Variants in SEMA3C observed in about 807,000 individuals in gnomAD.
SEMA3C encodes the protein semaphorin-3C.
In SEMA3C, 47 loss-of-function variants were observed where a neutral mutation model predicts 89.4. The observed-to-expected ratio is 0.53, with a 90% CI of 0.42 to 0.67. SEMA3C has a LOEUF of 0.67. Among genes scored for constraint, SEMA3C ranks in the 30% least tolerant of loss-of-function variants. SEMA3C has a pLI of 0.00. For synonymous variants in SEMA3C, 310 were observed against 320.2 expected (o/e 0.97, Z 0.34); for missense variants, 839 against 929.1 (o/e 0.90, Z 1.26).
At chr7:80,796,582 C>CTG (rs1159825417) in intron 11 of SEMA3C, 3 of 152,112 alleles carry the variant, frequency 2.0e-5, no homozygotes, top group African/African-American at 7.2e-5. Flanking sequence ...GATGCTTTTC[C>CTG]CTGTTTTATA....
intron 12 of SEMA3C, among the ~76,000 whole-genome samples, chr7:80,766,538 G>A (rs757153168): frequency 5.3e-5 from 8 of 152,158 alleles, no homozygotes; most frequent in African/African-American, 1.9e-4. Flanking sequence ...ATTCTGTAAC[G>A]GGGCCTTTGA....
chr7:80,866,032 T>C (rs1790919338), intron 2 of SEMA3C, among the ~76,000 whole-genome samples: 1 of 152,216 alleles, frequency 6.6e-6, no homozygotes, highest in East Asian at 1.9e-4. Flanking sequence ...TTGCATAAAG[T>C]ATTAAATAAG....
At chr7:80,750,911 C>T (rs1787919901) in intron 16 of SEMA3C, among the ~76,000 whole-genome samples, 1 of 152,008 alleles carries the variant, frequency 6.6e-6, no homozygotes, top group Non-Finnish European at 1.5e-5. Flanking sequence ...TGTATATTTA[C>T]TGCAGTAAAA....
chr7:80,815,711 T>C (rs987967395), intron 5 of SEMA3C, among the ~76,000 whole-genome samples: 2 of 151,890 alleles, frequency 1.3e-5, no homozygotes, highest in Non-Finnish European at 2.9e-5. Context: ...ACAGACTAGA[T>C]TGGTGGCAAA....
At chr7:80,780,023 C>T (rs1264913017) in intron 12 of SEMA3C, among the ~76,000 whole-genome samples, 1 of 152,158 alleles carries the variant, frequency 6.6e-6, no homozygotes, top group Admixed American at 6.5e-5. Flanking sequence ...ACAATGCAGC[C>T]TGGCTAAATT....
rs189010045 is a variant in SEMA3C, at chr7:80,904,970, G to A, written c.103+11709C>T. ...TTTCCTGAATTTTCAGAATCTTAGC[G>A]CTAACTTTCTAACTTCAAGCCTTGT... On this transcript the variant is annotated intron_variant, in intron 2 of 17. Coordinates refer to ENST00000265361, the MANE Select transcript of SEMA3C (RefSeq NM_006379.5). 5.9e-5 allele frequency among the ~76,000 whole-genome samples: 9 copies of A among 151,706 alleles called. 1 individual carries two copies. The South Asian group carries it at 8.3e-4, about 14-fold the overall frequency.
Position 80,834,067 on chromosome 7 carries a change from T to C in SEMA3C, c.104-5322A>G, listed in dbSNP as rs137927978. On this transcript the variant is annotated intron_variant, in intron 2 of 17. Transcript: ENST00000265361. ...AGCATATGAGGTACAGCTATTTGTG[T>C]TGTTTCTCAGGACATGCTCAATTAA... is the stretch of plus-strand genomic sequence containing the variant. Among the ~76,000 whole-genome samples, 57 of 152,260 alleles carry C rather than the reference T, an allele frequency of 3.7e-4. No homozygotes were observed. In the East Asian group the frequency reaches 8.3e-3, roughly 22 times the overall value.
chr7:80,771,198 T>C (rs546434596), intron 12 of SEMA3C, among the ~76,000 whole-genome samples: 1 of 152,358 alleles, frequency 6.6e-6, no homozygotes, highest in South Asian at 2.1e-4. Context: ...TGTTTTAGTT[T>C]TAGCTCCATC....
chr7:80,800,565 A>AAT (rs1789178342), intron 10 of SEMA3C, among the ~76,000 whole-genome samples, 192 bp downstream of exon 10: 1 of 152,322 alleles, frequency 6.6e-6, no homozygotes, highest in South Asian at 2.1e-4. Flanking sequence ...TACTCTCTAC[A>AAT]AAAGTATTTG....
intron 2 of SEMA3C, among the ~76,000 whole-genome samples, chr7:80,833,950 G>C (rs761232695): frequency 3.3e-5 from 5 of 152,134 alleles, no homozygotes; most frequent in Non-Finnish European, 5.9e-5. Flanking sequence ...TACAGTGAGA[G>C]AAAAACATTA....
intron 12 of SEMA3C, among the ~76,000 whole-genome samples, chr7:80,780,743 G>A (rs1468396873): frequency 6.6e-6 from 1 of 152,042 alleles, no homozygotes; most frequent in Non-Finnish European, 1.5e-5. Flanking sequence ...AATTAGCCAG[G>A]CGCGGTGGTG....
intron 2 of SEMA3C, among the ~76,000 whole-genome samples, chr7:80,910,576 T>C (rs1175031732): frequency 6.6e-6 from 1 of 151,882 alleles, no homozygotes; most frequent in Non-Finnish European, 1.5e-5. Context: ...TCTTCAGTAA[T>C]ATATAAATGA....
chr7:80,856,708 A>C (rs1583946882), intron 2 of SEMA3C, among the ~76,000 whole-genome samples: 1 of 152,080 alleles, frequency 6.6e-6, no homozygotes, highest in Non-Finnish European at 1.5e-5. Context: ...TTATCTTACC[A>C]ACACTTCTGC....
intron 2 of SEMA3C, among the ~76,000 whole-genome samples, chr7:80,843,940 A>G (rs1790330510): frequency 6.6e-6 from 1 of 152,158 alleles, no homozygotes; most frequent in Non-Finnish European, 1.5e-5. Flanking sequence ...AAGTACCTAT[A>G]AAGTGTCTAA....
At chr7:80,807,084 T>C (rs1202876490) in intron 6 of SEMA3C, among the ~76,000 whole-genome samples, 2 of 152,152 alleles carry the variant, frequency 1.3e-5, no homozygotes, top group East Asian at 3.9e-4. Flanking sequence ...TTTTTTTTCT[T>C]TACCATTTTA....
At chr7:80,753,318 C>T (rs1406566506) in intron 15 of SEMA3C, among the ~76,000 whole-genome samples, 1 of 152,134 alleles carries the variant, frequency 6.6e-6, no homozygotes, top group Non-Finnish European at 1.5e-5. Context: ...CATTATTTTC[C>T]TACAGCCAAC....
chr7:80,762,357 C>G (rs1438742527), intron 13 of SEMA3C, among the ~76,000 whole-genome samples: 3 of 152,116 alleles, frequency 2.0e-5, no homozygotes, highest in Admixed American at 1.3e-4. Context: ...CTGAACCATA[C>G]TAGTTAATAC....
chr7:80,772,591 G>C (rs1384032857), intron 12 of SEMA3C, among the ~76,000 whole-genome samples: 1 of 152,058 alleles, frequency 6.6e-6, no homozygotes, highest in Admixed American at 6.6e-5. Flanking sequence ...CCCTTAGAAA[G>C]GCTGTCTCAA....
At chr7:80,874,421 A>G (rs575591318) in intron 2 of SEMA3C, among the ~76,000 whole-genome samples, 24 of 151,968 alleles carry the variant, frequency 1.6e-4, no homozygotes, top group African/African-American at 5.8e-4. Context: ...TCTATGTTCA[A>G]TGCATTATTT....
Sources: allele counts gnomAD v4.1 joint callset (sites outside exome capture counted in the v4.1 genomes callset), GRCh38; gene constraint gnomAD v4.1.1; transcripts MANE v1.5; gene names NCBI Gene and HGNC (gene_info 2026-07-23, HGNC 2026-07-21).